The following JCAD variants were observed in gnomAD, a reference collection of about 807,000 sequenced individuals.
JCAD encodes junctional cadherin 5-associated protein.
JCAD carries 40 observed loss-of-function variants against 98.0 expected under a neutral mutation model. That is an observed-to-expected ratio of 0.41 (90% CI 0.32 to 0.53). The LOEUF is 0.53. Ranked by LOEUF, JCAD falls within the 20% of genes least tolerant of loss-of-function variation. JCAD has a pLI of 0.31. For missense variants in JCAD, 1,705 were observed against 1,738.1 expected (o/e 0.98, Z 0.34); for synonymous variants, 691 against 682.3 (o/e 1.01, Z -0.20).
intron 2 of JCAD, among the ~76,000 whole-genome samples, chr10:30,030,593 C>G (rs932170249): frequency 6.6e-6 from 1 of 152,174 alleles, no homozygotes; most frequent in African/African-American, 2.4e-5. Flanking sequence ...TTTAAAAACA[C>G]TGTTTTTAAG....
intron 1 of JCAD, among the ~76,000 whole-genome samples, chr10:30,100,668 G>C (rs1308375137): frequency 6.6e-6 from 1 of 152,204 alleles, no homozygotes; most frequent in Non-Finnish European, 1.5e-5. Context: ...ACAGGTGTGA[G>C]CCACCCGACC....
In JCAD at chr10:30,028,271, C is replaced by T. The variant is rs1332570696; in HGVS notation, c.1877G>A (p.Ser626Asn). The change falls in exon 3 of 4, where the codon AGC becomes AAC. Residue 626 changes from serine (S) to asparagine (N), a missense_variant. Physicochemically the swap from Ser to Asn is conservative, Grantham distance 46. This residue lies in a region of JCAD where 1,278 missense variants were observed against 1,243.1 expected (regional missense o/e 1.03). Transcript: ENST00000375377. ...SPALQEQSLL[S>N]MSSTDLELQA... ...CAGCTCCAGGTCGGTGGAAGACATGCTCAGCAGACTCTGTTCTTGCAGAGC... is the reference window on the plus strand; with the variant it reads ...CAGCTCCAGGTCGGTGGAAGACATGTTCAGCAGACTCTGTTCTTGCAGAGC... The T allele has an allele frequency of 6.2e-7, 1 of 1,614,106 alleles. No homozygotes were observed. Among genetic ancestry groups the T allele is most frequent in the African/African-American group, 1.3e-5 (1 of 74,940 alleles).
intron 1 of JCAD, among the ~76,000 whole-genome samples, chr10:30,085,164 C>T (rs1045678369): frequency 6.6e-6 from 1 of 152,028 alleles, no homozygotes; most frequent in Non-Finnish European, 1.5e-5. Context: ...TTGTATTTTT[C>T]CCTATTTCAA....
At chr10:30,037,633 C>T (rs1837142093) in intron 2 of JCAD, among the ~76,000 whole-genome samples, 1 of 150,482 alleles carries the variant, frequency 6.6e-6, no homozygotes, top group African/African-American at 2.5e-5. Context: ...CTGGAGGTTA[C>T]AGTTTTGTTA....
chr10:30,104,163 G>A lies in JCAD; in HGVS notation n.128+11204C>T, dbSNP rs193261249. 1.1e-3 allele frequency among the ~76,000 whole-genome samples: 172 copies of A among 152,320 alleles called. 2 individuals are homozygous for A. The highest frequency in any genetic ancestry group is 5.0e-3 in the Admixed American group (77 of 15,288). On this transcript the variant is annotated intron_variant and non_coding_transcript_variant, in intron 1 of 2. Transcript: ENST00000465712. ...GAAAAGGAAAATGATTTCAGAGGTCGTGGAGCGTAAGTCCTGAGAGGGTTG... is the reference window on the plus strand; with the variant it reads ...GAAAAGGAAAATGATTTCAGAGGTCATGGAGCGTAAGTCCTGAGAGGGTTG...
chr10:30,065,818 A>T (rs1837775569), intron 2 of JCAD, among the ~76,000 whole-genome samples: 1 of 152,150 alleles, frequency 6.6e-6, no homozygotes, highest in Non-Finnish European at 1.5e-5. Flanking sequence ...ATTATTTTTA[A>T]CCAAGAACTA....
intron 1 of JCAD, among the ~76,000 whole-genome samples, chr10:30,054,564 T>A (rs1387005455): frequency 6.6e-6 from 1 of 150,580 alleles, no homozygotes; most frequent in African/African-American, 2.4e-5. Flanking sequence ...TATTCATAAC[T>A]TAATATATTA....
intron 2 of JCAD, among the ~76,000 whole-genome samples, chr10:30,042,329 C>A (rs1014244976): frequency 1.3e-5 from 2 of 152,206 alleles, no homozygotes. Context: ...CCCTCCTCCC[C>A]ATCCAACCTA....
intron 1 of JCAD, among the ~76,000 whole-genome samples, chr10:30,097,327 G>T (rs1279157308): frequency 6.6e-6 from 1 of 152,198 alleles, no homozygotes; most frequent in Non-Finnish European, 1.5e-5. Context: ...TGGGGTATTA[G>T]TGGGACAAAG....
At chr10:30,082,722 G>C (rs999153424) in intron 1 of JCAD, among the ~76,000 whole-genome samples, 1 of 151,994 alleles carries the variant, frequency 6.6e-6, no homozygotes, top group Non-Finnish European at 1.5e-5. Context: ...ATGGTGGTGC[G>C]TGCCTGTAAT....
At chr10:30,019,392 G>A (rs1836611237) in intron 3 of JCAD, among the ~76,000 whole-genome samples, 1 of 147,658 alleles carries the variant, frequency 6.8e-6, no homozygotes, top group Non-Finnish European at 1.5e-5. Context: ...AAAAGAAATT[G>A]TATATACACA....
At chr10:30,095,259 T>C (rs1838350755) in intron 1 of JCAD, among the ~76,000 whole-genome samples, 1 of 152,250 alleles carries the variant, frequency 6.6e-6, no homozygotes, top group Middle Eastern at 3.2e-3. Context: ...CGTTATTTTC[T>C]GAACCCTGAC....
chr10:30,032,034 G>A (rs573229032), intron 2 of JCAD, among the ~76,000 whole-genome samples: 156 of 152,292 alleles, frequency 1.0e-3, no homozygotes, highest in Admixed American at 2.7e-3. Flanking sequence ...GATTACAGGC[G>A]TGAGCCACCG....
intron 3 of JCAD, among the ~76,000 whole-genome samples, chr10:30,023,693 GA>G (rs1354067738): frequency 6.6e-6 from 1 of 151,310 alleles, no homozygotes; most frequent in Admixed American, 6.6e-5. Context: ...ATGGAGAGGA[GA>G]AAAAAATAAT....
In JCAD at chr10:30,028,334, G is replaced by C. The variant is rs1236897523; in HGVS notation, c.1814C>G (p.Pro605Arg). 1 of 1,614,024 alleles carries C rather than the reference G, an allele frequency of 6.2e-7. No individual in the cohort carries two copies. Among genetic ancestry groups the C allele is most frequent in the Non-Finnish European group, 8.5e-7 (1 of 1,180,042 alleles). Residue 605 changes from proline to arginine, a missense_variant, in exon 3 of 4, where the codon CCC becomes CGC. Pro to Arg is a moderately radical substitution (Grantham distance 103). This residue lies in a region of JCAD where 1,278 missense variants were observed against 1,243.1 expected (regional missense o/e 1.03). Coordinates refer to ENST00000375377, the MANE Select transcript of JCAD (RefSeq NM_020848.4). ...DRDMDNNDLKPSADQKNGSDK... is the reference protein window; with the variant it reads ...DRDMDNNDLKRSADQKNGSDK... ...AGACCCATTCTTTTGATCAGCACTG[G>C]GCTTTAAGTCATTGTTGTCCATATC...
chr10:30,034,452 C>T (rs1264220505), intron 2 of JCAD, among the ~76,000 whole-genome samples: 1 of 152,138 alleles, frequency 6.6e-6, no homozygotes, highest in African/African-American at 2.4e-5. Context: ...TAACACCGGG[C>T]ACGGTAGGAG....
intron 1 of JCAD, among the ~76,000 whole-genome samples, chr10:30,081,088 C>A (rs1838075954): frequency 6.6e-6 from 1 of 152,182 alleles, no homozygotes; most frequent in Non-Finnish European, 1.5e-5. Flanking sequence ...TACTACCGAC[C>A]ACCTGGGGTT....
Position 30,029,631 on chromosome 10 carries a change from ATTC to A in JCAD, c.514_516del (p.Glu172del), listed in dbSNP as rs751651856. On this transcript the variant is annotated inframe_deletion, in exon 3 of 4. Transcript: ENST00000375377. ...CACTTGGCAGGACCTGACATTCGCA[ATTC>A]TTCTTCCCAAACTGGCTTCTTCATC... 7 of 1,614,156 alleles carry A rather than the reference ATTC, an allele frequency of 4.3e-6. No homozygotes were observed. In the East Asian group the frequency reaches 1.1e-4, roughly 26 times the overall value.
intron 1 of JCAD, among the ~76,000 whole-genome samples, chr10:30,088,957 G>A (rs1041077511): frequency 1.3e-5 from 2 of 152,144 alleles, no homozygotes; most frequent in East Asian, 3.8e-4. Context: ...CAGCCTGGGC[G>A]ACAGAGCGAG....
Sources: allele counts gnomAD v4.1 joint callset (sites outside exome capture counted in the v4.1 genomes callset), GRCh38; gene constraint gnomAD v4.1.1; regional missense constraint gnomAD v4.1.1; transcripts MANE v1.5; gene names NCBI Gene and HGNC (gene_info 2026-07-23, HGNC 2026-07-21).